Variants in PTPRN2 observed in about 807,000 individuals in gnomAD.
The protein encoded by PTPRN2 is receptor-type tyrosine-protein phosphatase N2.
A neutral mutation model predicts 118.8 loss-of-function variants in PTPRN2; 74 were observed. That is an observed-to-expected ratio of 0.62 (90% confidence interval 0.52 to 0.76). The LOEUF (loss-of-function observed/expected upper bound fraction) is 0.76. PTPRN2 is among the 30% of genes least tolerant of loss of function. The pLI is 0.00. For synonymous variants in PTPRN2, 641 were observed against 608.0 expected (o/e 1.05, Z -0.80); for missense variants, 1,481 against 1,394.4 (o/e 1.06, Z -0.99).
At chr7:157,661,671 A>G (rs1795899864) in intron 13 of PTPRN2, among the ~76,000 whole-genome samples, 1 of 151,948 alleles carries the variant, frequency 6.6e-6, no homozygotes, top group Admixed American at 6.5e-5. Context: ...GCAGGGAGGA[A>G]CGGGATGGTG....
At chr7:158,351,586 C>A (rs1374881871) in intron 2 of PTPRN2, among the ~76,000 whole-genome samples, 1 of 152,150 alleles carries the variant, frequency 6.6e-6, no homozygotes, top group Non-Finnish European at 1.5e-5. Context: ...TGGTTACCTA[C>A]GAGTGAAATG....
At chr7:158,527,490 C>G (rs1824876976) in intron 1 of PTPRN2, among the ~76,000 whole-genome samples, 1 of 152,250 alleles carries the variant, frequency 6.6e-6, no homozygotes, top group African/African-American at 2.4e-5. Context: ...GCCTCACCAG[C>G]CCCAGGCCAT....
chr7:158,117,013 G>C (rs1253397677), intron 9 of PTPRN2, among the ~76,000 whole-genome samples: 5 of 151,916 alleles, frequency 3.3e-5, no homozygotes, highest in Non-Finnish European at 7.4e-5. Flanking sequence ...ACAAAAAATT[G>C]CAAGAAACAA....
At chr7:157,700,791 G>A (rs1204603220) in intron 12 of PTPRN2, among the ~76,000 whole-genome samples, 1 of 152,036 alleles carries the variant, frequency 6.6e-6, no homozygotes, top group Non-Finnish European at 1.5e-5. Flanking sequence ...CCCACACCAG[G>A]AGCCCCTGGT....
intron 2 of PTPRN2, among the ~76,000 whole-genome samples, chr7:158,379,221 G>T (rs575380401): frequency 6.6e-6 from 1 of 152,338 alleles, no homozygotes; most frequent in South Asian, 2.1e-4. Context: ...CCAGCAGCCT[G>T]CAGAAGGGGC....
At chr7:157,773,212 C>G (rs750160804) in intron 12 of PTPRN2, among the ~76,000 whole-genome samples, 8 of 152,222 alleles carry the variant, frequency 5.3e-5, no homozygotes, top group Non-Finnish European at 1.0e-4. Context: ...TCTGACCCCT[C>G]TCTCTTCAGG....
At chr7:158,310,095 C>T (rs182544107) in intron 3 of PTPRN2, among the ~76,000 whole-genome samples, 65 of 152,250 alleles carry the variant, frequency 4.3e-4, no homozygotes, top group Middle Eastern at 3.4e-3. Flanking sequence ...CAGCCACCCA[C>T]GCCATGTGAT....
chr7:157,928,201 G>T (rs1394825527), intron 11 of PTPRN2, among the ~76,000 whole-genome samples: 1 of 152,186 alleles, frequency 6.6e-6, no homozygotes, highest in Non-Finnish European at 1.5e-5. Context: ...CCAGGGCAGG[G>T]CCATAGGCAG....
intron 3 of PTPRN2, among the ~76,000 whole-genome samples, chr7:158,227,397 C>T (rs1828871116): frequency 6.6e-6 from 1 of 152,086 alleles, no homozygotes; most frequent in Admixed American, 6.6e-5. Flanking sequence ...GAAATGAAAT[C>T]TATTAGCATT....
At chr7:157,918,490 A>T (rs10263646) in intron 11 of PTPRN2, among the ~76,000 whole-genome samples, 4 of 152,148 alleles carry the variant, frequency 2.6e-5, no homozygotes, top group Non-Finnish European at 4.4e-5. Flanking sequence ...GCGTGGGAGC[A>T]GGGGAAGTCA....
intron 3 of PTPRN2, among the ~76,000 whole-genome samples, chr7:158,288,188 T>C (rs1258091202): frequency 6.6e-6 from 1 of 152,128 alleles, no homozygotes; most frequent in Admixed American, 6.5e-5. Context: ...TCCTTAAAAG[T>C]GAAGGGAATC....
chr7:158,453,753 A>G (rs1014722019), intron 2 of PTPRN2, among the ~76,000 whole-genome samples: 2 of 152,240 alleles, frequency 1.3e-5, no homozygotes, highest in Non-Finnish European at 2.9e-5. Context: ...CCTAAGTACT[A>G]AGCATTCAAC....
chr7:157,736,851 G>T (rs1800327753), intron 12 of PTPRN2, among the ~76,000 whole-genome samples: 1 of 152,176 alleles, frequency 6.6e-6, no homozygotes, highest in Non-Finnish European at 1.5e-5. Context: ...TCCCACCAGT[G>T]CCCGGCTGGA....
intron 12 of PTPRN2, among the ~76,000 whole-genome samples, chr7:157,839,841 CTGTGTGACTG>C (rs1357817218): frequency 5.5e-5 from 8 of 146,096 alleles, no homozygotes; most frequent in Non-Finnish European, 7.5e-5. Context: ...CCACGTGTGA[CTGTGTGACTG>C]TGTGTGACTG....
At chr7:157,719,655 A>G (rs984723592) in intron 12 of PTPRN2, among the ~76,000 whole-genome samples, 27 of 152,208 alleles carry the variant, frequency 1.8e-4, no homozygotes, top group African/African-American at 5.1e-4. Flanking sequence ...GACCATCAGC[A>G]GGGCCCCTCC....
intron 2 of PTPRN2, among the ~76,000 whole-genome samples, chr7:158,462,796 G>C (rs1723086019): frequency 6.6e-6 from 1 of 152,192 alleles, no homozygotes; most frequent in South Asian, 2.1e-4. Flanking sequence ...CGATTGTGTG[G>C]GGATCCAGGA....
chr7:158,222,688 A>G (rs957243196), intron 3 of PTPRN2, among the ~76,000 whole-genome samples: 13 of 152,222 alleles, frequency 8.5e-5, no homozygotes, highest in Non-Finnish European at 1.8e-4. Flanking sequence ...TCACCCATGC[A>G]TATGTACCCT....
Position 157,811,270 on chromosome 7 carries a change from C to CA in PTPRN2, c.1788+87402dup, listed in dbSNP as rs34148043. ...TGGATGACAGAGCGAGACTCCATCT[C>CA]AAAAAAAAAAACCCAAAAAAATAAA... On this transcript the variant is annotated intron_variant, in intron 12 of 22. Transcript: ENST00000389418. Among the ~76,000 whole-genome samples the CA allele has an allele frequency of 1.0e-3, 126 of 126,596 alleles. 1 individual carries two copies. The highest frequency in any genetic ancestry group is 8.2e-3 in the Middle Eastern group (2 of 244). 83.1% of individuals were successfully genotyped at this position (126,596 alleles called of 152,430 possible). A position where few individuals can be genotyped will look rare whatever the true frequency, so the allele number is the denominator to read the frequency against.
At position 157,976,944 on chromosome 7, in the gene PTPRN2, G is replaced by A. The variant is rs141144755; in HGVS notation, c.1724-78207C>T. On this transcript the variant is annotated intron_variant, in intron 11 of 22. Coordinates refer to ENST00000389418, the MANE Select transcript of PTPRN2 (RefSeq NM_002847.5). ...AGTGGAAGAGAAGTTGAATCAAATC[G>A]AAGTTTATTAACAAAGATAGCTGTC... Among the ~76,000 whole-genome samples, 235 of 151,840 alleles carry A rather than the reference G, an allele frequency of 1.5e-3. 1 individual carries two copies. Among genetic ancestry groups the A allele is most frequent in the African/African-American group, 5.4e-3 (226 of 41,478 alleles).
Sources: gnomAD v4.1 joint callset for allele counts (sites outside exome capture counted in the v4.1 genomes callset) on GRCh38, gnomAD v4.1.1 for gene constraint, MANE v1.5 for transcripts, NCBI Gene and HGNC (gene_info 2026-07-23, HGNC 2026-07-21) for gene names.